Variants in TNFSF4 observed in about 807,000 individuals in gnomAD.
TNFSF4 encodes the protein TNF superfamily member 4.
In TNFSF4, 4 loss-of-function variants were observed where a neutral mutation model predicts 7.3. The ratio of observed to expected loss-of-function variants is 0.55; its 90% CI spans 0.27 to 1.25. The LOEUF (loss-of-function observed/expected upper bound fraction) is 1.25, where lower values mean the gene tolerates loss of function less well. TNFSF4 is among the 50% of genes most tolerant of loss of function. TNFSF4 has a pLI of 0.12. For synonymous variants in TNFSF4, 76 were observed against 83.7 expected, an observed-to-expected ratio of 0.91 and a Z score of 0.50; for missense variants, 181 against 208.8, an observed-to-expected ratio of 0.87 and a Z score of 0.82.
chr1:173,327,647 A>C, the TNFSF4 span, among the ~76,000 whole-genome samples: 1 of 151,916 alleles, frequency 6.6e-6, no homozygotes, highest in Non-Finnish European at 1.5e-5. Flanking sequence ...GAACTCAAAC[A>C]AATTTACAAG....
At chr1:173,303,205 T>C in the TNFSF4 span, among the ~76,000 whole-genome samples, 1 of 151,860 alleles carries the variant, frequency 6.6e-6, no homozygotes. Flanking sequence ...TGTGCTTATC[T>C]GGGAGGGAGA....
the TNFSF4 span, among the ~76,000 whole-genome samples, chr1:173,328,517 A>G: frequency 1.3e-5 from 2 of 151,784 alleles, no homozygotes; most frequent in Admixed American, 1.3e-4. Flanking sequence ...TAATAAAATA[A>G]AAAAATACAA....
chr1:173,201,972 G>C (rs1001930248), intron 1 of TNFSF4, among the ~76,000 whole-genome samples: 1 of 151,884 alleles, frequency 6.6e-6, no homozygotes, highest in African/African-American at 2.4e-5. Context: ...GATGCAAAAG[G>C]ATTAACTTTC....
At chr1:173,325,011 G>C in the TNFSF4 span, among the ~76,000 whole-genome samples, 11 of 152,180 alleles carry the variant, frequency 7.2e-5, no homozygotes, top group Non-Finnish European at 1.3e-4. Context: ...GCACCAAGCG[G>C]ACCTAAGAGA....
At chr1:173,387,734 T>C in the TNFSF4 span, among the ~76,000 whole-genome samples, 2 of 152,180 alleles carry the variant, frequency 1.3e-5, no homozygotes, top group African/African-American at 4.8e-5. Flanking sequence ...GAAGAAGATA[T>C]TTTTAAATTT....
At chr1:173,217,869 C>T in the TNFSF4 span, among the ~76,000 whole-genome samples, 42 of 152,224 alleles carry the variant, frequency 2.8e-4, no homozygotes, top group African/African-American at 9.2e-4. Context: ...CCACCTCAGC[C>T]TCCTGAGTAG....
At chr1:173,230,858 A>G in the TNFSF4 span, among the ~76,000 whole-genome samples, 2 of 152,238 alleles carry the variant, frequency 1.3e-5, no homozygotes, top group Non-Finnish European at 2.9e-5. Flanking sequence ...AAATGGATAA[A>G]TTCCTGGACA....
chr1:173,218,665 A>G, the TNFSF4 span, among the ~76,000 whole-genome samples: 2 of 152,204 alleles, frequency 1.3e-5, no homozygotes, highest in African/African-American at 4.8e-5. Context: ...TATAATGTGT[A>G]AAATGTGGCA....
the TNFSF4 span, among the ~76,000 whole-genome samples, chr1:173,342,150 C>A: frequency 5.3e-4 from 81 of 152,242 alleles, no homozygotes; most frequent in African/African-American, 1.4e-3. Context: ...CTCCAAGAGG[C>A]TTTGACCAGT....
At chr1:173,323,594 C>T in the TNFSF4 span, among the ~76,000 whole-genome samples, 1 of 151,984 alleles carries the variant, frequency 6.6e-6, no homozygotes, top group Admixed American at 6.6e-5. Context: ...GAACCAATGG[C>T]AAAGAAGTTA....
At chr1:173,369,511 A>G in the TNFSF4 span, among the ~76,000 whole-genome samples, 3 of 152,288 alleles carry the variant, frequency 2.0e-5, no homozygotes, top group African/African-American at 7.2e-5. Flanking sequence ...TCTGAACAGC[A>G]GGGTCCAGGG....
the TNFSF4 span, among the ~76,000 whole-genome samples, chr1:173,257,823 C>T: frequency 6.6e-6 from 1 of 152,168 alleles, no homozygotes; most frequent in South Asian, 2.1e-4. Context: ...GATTTAATTA[C>T]ATAGGATCTT....
chr1:173,375,771 C>T, the TNFSF4 span, among the ~76,000 whole-genome samples: 1 of 152,162 alleles, frequency 6.6e-6, no homozygotes, highest in East Asian at 1.9e-4. Flanking sequence ...AGCTGGCCAC[C>T]CCCAGCCAGC....
At chr1:173,321,853 T>G in the TNFSF4 span, among the ~76,000 whole-genome samples, 1 of 152,210 alleles carries the variant, frequency 6.6e-6, no homozygotes, top group Non-Finnish European at 1.5e-5. Context: ...GGAATGCTTT[T>G]ACACTCTTGG....
the TNFSF4 span, among the ~76,000 whole-genome samples, chr1:173,263,323 A>G: frequency 2.0e-5 from 3 of 152,234 alleles, no homozygotes; most frequent in African/African-American, 7.2e-5. Flanking sequence ...CAAATAGCCA[A>G]GACAATCCTA....
At chr1:173,241,314 T>C in the TNFSF4 span, among the ~76,000 whole-genome samples, 6 of 152,228 alleles carry the variant, frequency 3.9e-5, no homozygotes, top group African/African-American at 1.4e-4. Flanking sequence ...TCAATAATGT[T>C]ACTGGAACTC....
At chr1:173,435,811 A>C in the TNFSF4 span, among the ~76,000 whole-genome samples, 1 of 152,232 alleles carries the variant, frequency 6.6e-6, no homozygotes, top group South Asian at 2.1e-4. Context: ...GTTGCATCCT[A>C]CCTTTAATAT....
intron 1 of TNFSF4, among the ~76,000 whole-genome samples, chr1:173,195,139 T>A (rs1259680928): frequency 6.6e-6 from 1 of 152,184 alleles, no homozygotes; most frequent in Non-Finnish European, 1.5e-5. Flanking sequence ...TATCCTACAC[T>A]ATCATAAGAG....
the TNFSF4 span, among the ~76,000 whole-genome samples, chr1:173,357,569 T>C: frequency 1.3e-5 from 2 of 152,254 alleles, no homozygotes; most frequent in East Asian, 3.9e-4. Flanking sequence ...TTTGCTCTTG[T>C]TGCCCAGGCT....
Sources: allele counts gnomAD v4.1 joint callset (sites outside exome capture counted in the v4.1 genomes callset), GRCh38; gene constraint gnomAD v4.1.1; transcripts MANE v1.5; gene names NCBI Gene and HGNC (gene_info 2026-07-23, HGNC 2026-07-21).